Variants in SIK3 observed in about 807,000 individuals in gnomAD.
The protein encoded by SIK3 is serine/threonine-protein kinase SIK3.
A neutral mutation model predicts 144.2 loss-of-function variants in SIK3; 28 were observed. That is an observed-to-expected ratio of 0.19 (90% CI 0.14 to 0.27). The LOEUF (loss-of-function observed/expected upper bound fraction) is 0.27. Among genes scored for constraint, SIK3 ranks in the 10% least tolerant of loss-of-function variants. The pLI is 1.00. For missense variants in SIK3, 1,319 were observed against 1,776.0 expected (o/e 0.74, Z 4.62); for synonymous variants, 686 against 676.3 (o/e 1.01, Z -0.22).
At chr11:116,949,698 G>A (rs114760478) in intron 3 of SIK3, among the ~76,000 whole-genome samples, 2,588 of 152,142 alleles carry the variant, frequency 0.017, 35 homozygotes, top group African/African-American at 0.037. Flanking sequence ...CTCCCCCTGC[G>A]AACTAGCAAA....
intron 21 of SIK3, among the ~76,000 whole-genome samples, chr11:116,853,350 T>C (rs1330398762): frequency 2.6e-5 from 4 of 152,186 alleles, no homozygotes; most frequent in African/African-American, 7.2e-5. Flanking sequence ...CAACCCTTTA[T>C]GCCAATTCAG....
chr11:117,093,289 C>T (rs187216257), intron 1 of SIK3, among the ~76,000 whole-genome samples: 16 of 152,208 alleles, frequency 1.1e-4, no homozygotes, highest in African/African-American at 9.6e-5. Flanking sequence ...TGCTTTTAGC[C>T]CACTTTGACT....
rs868079975 is a variant in SIK3 at position 116,844,609 on chromosome 11, T to C, written c.*1034A>G. On this transcript the variant is annotated 3_prime_UTR_variant, in exon 25 of 25. Coordinates refer to ENST00000445177, the MANE Select transcript of SIK3 (RefSeq NM_001366686.3). Reference sequence around the variant, plus strand: ...ATATATATATATTTTATATATATATTATATATATAATATATATATAATATA... The same window carrying C: ...ATATATATATATTTTATATATATATCATATATATAATATATATATAATATA... The C allele has an allele frequency of 2.0e-5, 1 of 50,206 alleles. No individual in the cohort carries two copies. Among genetic ancestry groups the C allele is most frequent in the African/African-American group, 1.2e-4 (1 of 8,200 alleles). 3.1% of individuals were successfully genotyped at this position (50,206 alleles called of 1,614,324 possible). A position where few individuals can be genotyped will look rare whatever the true frequency, so the allele number is the denominator to read the frequency against.
At chr11:117,046,391 G>A (rs938870032) in intron 1 of SIK3, among the ~76,000 whole-genome samples, 2 of 152,042 alleles carry the variant, frequency 1.3e-5, no homozygotes, top group African/African-American at 4.8e-5. Flanking sequence ...CAAAAGTTTT[G>A]CTCACATACC....
chr11:116,926,891 C>T (rs1947305413), intron 4 of SIK3, among the ~76,000 whole-genome samples: 2 of 151,914 alleles, frequency 1.3e-5, no homozygotes, highest in Non-Finnish European at 2.9e-5. Flanking sequence ...CGTGGTGATG[C>T]GCACCTGTAA....
intron 4 of SIK3, among the ~76,000 whole-genome samples, chr11:116,917,503 G>T (rs1946708065): frequency 6.6e-6 from 1 of 151,970 alleles, no homozygotes; most frequent in African/African-American, 2.4e-5. Flanking sequence ...GAGCTCAAAA[G>T]TTCAGGACCA....
chr11:116,922,019 C>G (rs897779613), intron 4 of SIK3, among the ~76,000 whole-genome samples: 1 of 152,012 alleles, frequency 6.6e-6, no homozygotes, highest in African/African-American at 2.4e-5. Flanking sequence ...TTGATCTCAA[C>G]TAGCTGGGAC....
At chr11:116,897,350 T>C (rs1490537328) in intron 4 of SIK3, 33 bp from the exon 5 acceptor site, 1 of 1,596,252 alleles carries the variant, frequency 6.3e-7, no homozygotes, top group Admixed American at 1.7e-5. Context: ...TTCGTATTAT[T>C]GTAACCTTTT....
At chr11:116,873,165 TG>T (rs1455654868) in intron 13 of SIK3, among the ~76,000 whole-genome samples, 5 of 152,234 alleles carry the variant, frequency 3.3e-5, no homozygotes, top group African/African-American at 1.2e-4. Context: ...GAGAAGGCTC[TG>T]AGTTAGGCTG....
In SIK3 at chr11:116,873,712, A is replaced by G. The variant is rs902225969; in HGVS notation, c.1582-76T>C. On this transcript the variant is annotated intron_variant, in intron 12 of 24. Transcript: ENST00000445177. The stretch of plus-strand genomic sequence containing the variant: ...GGAGAAAGGGGCAAGCCACTCATCT[A>G]TGGAAATTAAGGGAGCCATGGGTCA... 5 of 1,503,740 alleles carry G rather than the reference A, an allele frequency of 3.3e-6. No individual in the cohort carries two copies. In the African/African-American group the frequency reaches 5.6e-5, roughly 17 times the overall value. 93.1% of individuals were successfully genotyped at this position (1,503,740 alleles called of 1,614,324 possible).
chr11:117,096,536 CGACTTCCCCT>C (rs942884151), intron 1 of SIK3, among the ~76,000 whole-genome samples: 5 of 152,304 alleles, frequency 3.3e-5, no homozygotes, highest in African/African-American at 1.2e-4. Context: ...TTGGCTCAAT[CGACTTCCCCT>C]GACTTCCCCT....
At chr11:116,925,534 C>T (rs1176080204) in intron 4 of SIK3, among the ~76,000 whole-genome samples, 2 of 152,188 alleles carry the variant, frequency 1.3e-5, no homozygotes, top group East Asian at 3.8e-4. Flanking sequence ...CCTGTGAGAC[C>T]CAGCTTGGAC....
chr11:116,972,150 AT>A (rs1200998693), intron 1 of SIK3, among the ~76,000 whole-genome samples: 1 of 152,062 alleles, frequency 6.6e-6, no homozygotes, highest in Non-Finnish European at 1.5e-5. Flanking sequence ...CAACAACCCT[AT>A]GGAGTAGGTA....
intron 3 of SIK3, among the ~76,000 whole-genome samples, chr11:116,934,269 G>GT (rs772724406): frequency 1.3e-5 from 2 of 152,282 alleles, no homozygotes; most frequent in Admixed American, 6.5e-5. Flanking sequence ...CACTTAATAA[G>GT]TATTTATTAA....
chr11:116,865,565 C>T (rs114423111), intron 15 of SIK3, among the ~76,000 whole-genome samples: 1,642 of 152,248 alleles, frequency 0.011, 30 homozygotes, highest in African/African-American at 0.038. Flanking sequence ...GGTTTCCCAC[C>T]TGGATAAAAT....
At chr11:116,946,969 G>C (rs1265958916) in intron 3 of SIK3, among the ~76,000 whole-genome samples, 1 of 151,202 alleles carries the variant, frequency 6.6e-6, no homozygotes, top group African/African-American at 2.4e-5. Context: ...CAAAAAATTA[G>C]CCGGGCATAG....
intron 1 of SIK3, among the ~76,000 whole-genome samples, chr11:117,090,956 T>C (rs1955216135): frequency 6.6e-6 from 1 of 152,214 alleles, no homozygotes. Context: ...TTGGTATAGG[T>C]GTATCTCGCT....
intron 1 of SIK3, among the ~76,000 whole-genome samples, chr11:116,972,997 C>A (rs1174377029): frequency 6.6e-6 from 1 of 152,128 alleles, no homozygotes; most frequent in Non-Finnish European, 1.5e-5. Context: ...GAAGCCCCAG[C>A]CAACAGCCAA....
intron 1 of SIK3, among the ~76,000 whole-genome samples, chr11:117,031,485 A>T (rs1591573520): frequency 7.0e-6 from 1 of 143,732 alleles, no homozygotes; most frequent in East Asian, 2.0e-4. Flanking sequence ...GCAATGGCCA[A>T]TGAATACAGC....
Sources: allele counts gnomAD v4.1 joint callset (sites outside exome capture counted in the v4.1 genomes callset), GRCh38; gene constraint gnomAD v4.1.1; transcripts MANE v1.5; gene names NCBI Gene and HGNC (gene_info 2026-07-23, HGNC 2026-07-21).